The following SYT1 variants were observed in gnomAD, a reference collection of about 807,000 sequenced individuals.
The protein encoded by SYT1 is synaptotagmin 1.
In SYT1, 8 loss-of-function variants were observed where a neutral mutation model predicts 44.8. The observed-to-expected ratio is 0.18, with a 90% CI of 0.10 to 0.32. The LOEUF is 0.32. Ranked by LOEUF, SYT1 falls within the 10% of genes least tolerant of loss-of-function variation. The probability of loss-of-function intolerance (pLI) is 1.00; values close to 1 mark genes in which losing one functional copy is unlikely to be tolerated. For missense variants in SYT1, 286 were observed against 509.3 expected, an observed-to-expected ratio of 0.56 and a Z score of 4.22; for synonymous variants, 154 against 188.8, an observed-to-expected ratio of 0.82 and a Z score of 1.51.
At chr12:79,370,414 C>G (rs1028277458) in intron 9 of SYT1, among the ~76,000 whole-genome samples, 1 of 152,178 alleles carries the variant, frequency 6.6e-6, no homozygotes, top group Non-Finnish European at 1.5e-5. Context: ...GAAATCCATA[C>G]TTGGTTCTTC....
At position 79,449,967 on chromosome 12, in the gene SYT1, T is replaced by C. The variant is rs1249608728; in HGVS notation, c.*843T>C. ...GTGTGTGTGTGTGTGTGCACATTTG[T>C]TTGGGGATGGGGGAGAAGAAGCTAA... On this transcript the variant is annotated 3_prime_UTR_variant, in exon 11 of 11. Coordinates refer to ENST00000261205, the MANE Select transcript of SYT1 (RefSeq NM_005639.3). 6.7e-6 allele frequency: 1 copy of C among 148,998 alleles called. No individual in the cohort carries two copies. Among genetic ancestry groups the C allele is most frequent in the Non-Finnish European group, 1.5e-5 (1 of 66,342 alleles). 9.2% of individuals were successfully genotyped at this position (148,998 alleles called of 1,614,324 possible).
chr12:78,865,589 G>A (rs917277105), intron 1 of SYT1, among the ~76,000 whole-genome samples: 15 of 149,422 alleles, frequency 1.0e-4, no homozygotes, highest in Non-Finnish European at 2.2e-4. Context: ...ACGTAAACAA[G>A]ATAGAATACA....
intron 9 of SYT1, among the ~76,000 whole-genome samples, chr12:79,437,340 G>A (rs1243424000): frequency 6.6e-6 from 1 of 152,154 alleles, no homozygotes; most frequent in East Asian, 1.9e-4. Context: ...ATGGCAGTGG[G>A]TTAGAAAGAG....
At chr12:79,447,669 C>A (rs1870813214) in intron 10 of SYT1, among the ~76,000 whole-genome samples, 1 of 152,164 alleles carries the variant, frequency 6.6e-6, no homozygotes, top group Admixed American at 6.5e-5. Context: ...TAGCCCTCTT[C>A]TTTGTTCCAG....
intron 1 of SYT1, among the ~76,000 whole-genome samples, chr12:78,898,591 C>G (rs947009479): frequency 6.6e-6 from 1 of 151,912 alleles, no homozygotes; most frequent in Admixed American, 6.6e-5. Flanking sequence ...TTCTATGGCC[C>G]TAGTTAGATA....
chr12:79,330,497 C>A (rs1184591766), intron 8 of SYT1, among the ~76,000 whole-genome samples: 2 of 152,142 alleles, frequency 1.3e-5, no homozygotes, highest in Non-Finnish European at 2.9e-5. Flanking sequence ...CTTAACAGAC[C>A]TGTTTTCTGA....
chr12:79,269,517 A>G lies in SYT1; in HGVS notation c.167-16270A>G, dbSNP rs60334461. Among the ~76,000 whole-genome samples the G allele has an allele frequency of 3.8e-3, 569 of 149,064 alleles. 8 individuals carry two copies. Among genetic ancestry groups the G allele is most frequent in the African/African-American group, 0.014 (553 of 38,618 alleles). On this transcript the variant is annotated intron_variant, in intron 4 of 10. Coordinates refer to ENST00000261205, the MANE Select transcript of SYT1 (RefSeq NM_005639.3). ...TTTAAACACACAGCAGATTGTCAGT[A>G]GGAAAGAAATGAACGGTTAAATGAT...
intron 3 of SYT1, among the ~76,000 whole-genome samples, chr12:79,199,184 T>C (rs1342274930): frequency 6.6e-6 from 1 of 152,142 alleles, no homozygotes; most frequent in Admixed American, 6.6e-5. Flanking sequence ...CTGTTTGTCA[T>C]TCACAACCAA....
At chr12:79,324,507 A>C (rs146993854) in intron 8 of SYT1, among the ~76,000 whole-genome samples, 1 of 152,212 alleles carries the variant, frequency 6.6e-6, no homozygotes, top group Non-Finnish European at 1.5e-5. Context: ...ACTTAGATCC[A>C]TCTGGTAAGA....
intron 3 of SYT1, among the ~76,000 whole-genome samples, chr12:79,172,061 A>C (rs1006193120): frequency 6.6e-6 from 1 of 152,000 alleles, no homozygotes; most frequent in Non-Finnish European, 1.5e-5. Context: ...ACAGAAAAAT[A>C]CTGTAAAAAC....
At chr12:79,275,362 C>T (rs1172921205) in intron 4 of SYT1, among the ~76,000 whole-genome samples, 1 of 152,090 alleles carries the variant, frequency 6.6e-6, no homozygotes, top group African/African-American at 2.4e-5. Context: ...CCTGTGAAAA[C>T]TCAGTGAGAG....
At chr12:79,007,673 T>C (rs1440025233) in intron 2 of SYT1, among the ~76,000 whole-genome samples, 3 of 152,146 alleles carry the variant, frequency 2.0e-5, no homozygotes, top group African/African-American at 7.2e-5. Flanking sequence ...CTTATACCCT[T>C]TTTTGTTCCC....
intron 1 of SYT1, 117 bp downstream of exon 1, chr12:78,865,226 G>C (rs770193665): frequency 6.6e-6 from 1 of 152,290 alleles, no homozygotes; most frequent in Non-Finnish European, 1.5e-5. Flanking sequence ...TGAGACCTAG[G>C]GAGGGATCCC....
At chr12:78,994,646 C>T (rs917083443) in intron 2 of SYT1, among the ~76,000 whole-genome samples, 1 of 151,344 alleles carries the variant, frequency 6.6e-6, no homozygotes, top group African/African-American at 2.4e-5. Context: ...AGCGATTCTC[C>T]TGCCTCAGCC....
intron 3 of SYT1, among the ~76,000 whole-genome samples, chr12:79,146,300 C>T (rs1425458126): frequency 6.6e-6 from 1 of 152,134 alleles, no homozygotes; most frequent in Non-Finnish European, 1.5e-5. Flanking sequence ...AAGACAATGT[C>T]AATTAATGTT....
intron 8 of SYT1, among the ~76,000 whole-genome samples, chr12:79,340,389 C>G (rs1227772799): frequency 6.6e-6 from 1 of 152,042 alleles, no homozygotes; most frequent in African/African-American, 2.4e-5. Context: ...CCTTCACATC[C>G]CTTGTAAGTT....
Position 79,145,752 on chromosome 12 carries a change from TGTTTGTTTG to T in SYT1, c.-17-71750_-17-71742del, listed in dbSNP as rs1455421149. Among the ~76,000 whole-genome samples, 960 of 148,480 alleles carry T rather than the reference TGTTTGTTTG, an allele frequency of 6.5e-3. 22 individuals are homozygous for T. The highest frequency in any genetic ancestry group is 0.023 in the African/African-American group (910 of 39,420). On this transcript the variant is annotated intron_variant, in intron 3 of 10. Coordinates refer to ENST00000261205, the MANE Select transcript of SYT1 (RefSeq NM_005639.3). ...AAACATAGTGGTTTTTTTTTTTTTT[TGTTTGTTTG>T]TTTGTTTGTTTTTTGAGACGGAGTC...
In SYT1 at chr12:79,451,637, A is replaced by T. The variant is rs1871063798; in HGVS notation, c.*2513A>T. The T allele has an allele frequency of 6.6e-6, 1 of 152,218 alleles. No homozygotes were observed. The allele number at this position is 152,218 out of a possible 1,614,324, so 9.4% of individuals were successfully genotyped here. A position where few individuals can be genotyped will look rare whatever the true frequency, so the allele number is the denominator to read the frequency against. ...TCACTCTTTCACAAGTCAGTGATGG[A>T]ACCTGCTTTATGACCAAGATTCATC... On this transcript the variant is annotated 3_prime_UTR_variant, in exon 11 of 11. Transcript: ENST00000261205.
rs149143915 is a variant in SYT1, at chr12:79,143,308, A to G, written c.-17-74195A>G. On this transcript the variant is annotated intron_variant, in intron 3 of 10. Transcript: ENST00000261205. ...TACTGTTGTCTTTTGCAGCGTTTTC[A>G]TGTGTATAGTACAACTTATTAGGCC... 2.0e-3 allele frequency among the ~76,000 whole-genome samples: 307 copies of G among 152,278 alleles called. 2 individuals are homozygous for G. The highest frequency in any genetic ancestry group is 3.8e-3 in the Non-Finnish European group (257 of 68,010).
Sources: gnomAD v4.1 joint callset for allele counts (sites outside exome capture counted in the v4.1 genomes callset) on GRCh38, gnomAD v4.1.1 for gene constraint, MANE v1.5 for transcripts, NCBI Gene and HGNC (gene_info 2026-07-23, HGNC 2026-07-21) for gene names.